Variants in SDK1 observed in about 807,000 individuals in gnomAD.
SDK1 encodes the protein sidekick cell adhesion molecule 1, also known as protein sidekick-1.
In SDK1, 157 loss-of-function variants were observed where a neutral mutation model predicts 245.5. That is an observed-to-expected ratio of 0.64 (90% CI 0.56 to 0.73). The LOEUF is 0.73. Ranked by LOEUF, SDK1 falls within the 30% of genes least tolerant of loss-of-function variation. The probability of loss-of-function intolerance (pLI) is 0.00; values close to 1 mark genes in which losing one functional copy is unlikely to be tolerated. For missense variants in SDK1, 3,583 were observed against 3,002.3 expected (o/e 1.19, Z -4.52); for synonymous variants, 1,647 against 1,278.5 (o/e 1.29, Z -6.15).
chr7:3,880,210 G>A (rs1000815591), intron 5 of SDK1, among the ~76,000 whole-genome samples: 5 of 152,170 alleles, frequency 3.3e-5, no homozygotes, highest in Admixed American at 6.5e-5. Context: ...TGGCCAGGTG[G>A]GCCTTCATTG....
intron 1 of SDK1, among the ~76,000 whole-genome samples, chr7:3,343,269 C>T (rs1029144661): frequency 4.6e-5 from 7 of 152,234 alleles, no homozygotes; most frequent in Middle Eastern, 3.4e-3. Context: ...GGAAACAGCC[C>T]AGATGTCCTT....
chr7:4,217,177 C>CCCGGAGCACCACACCA (rs1784855368), intron 38 of SDK1, among the ~76,000 whole-genome samples: 3 of 73,520 alleles, frequency 4.1e-5, no homozygotes, highest in African/African-American at 1.6e-4. Context: ...GCACCACACC[C>CCCGGAGCACCACACCA]CCCGGAGCAC....
intron 4 of SDK1, among the ~76,000 whole-genome samples, chr7:3,812,820 A>G (rs34233756): frequency 5.9e-5 from 9 of 152,144 alleles, no homozygotes; most frequent in South Asian, 2.1e-4. Context: ...CTGAGCTGCA[A>G]TCCCATTTGC....
rs556655054 is a variant in SDK1, at chr7:3,694,606, C to T, written c.713+52501C>T. On this transcript the variant is annotated intron_variant, in intron 4 of 44. Transcript: ENST00000404826. ...GGGGGAAAAGCATATGAAATTGAGA[C>T]AGTAGGTGATCCAGTGGATGTTCTA... Among the ~76,000 whole-genome samples, 20 of 151,976 alleles carry T rather than the reference C, an allele frequency of 1.3e-4. No homozygotes were observed. The East Asian group carries it at 3.9e-3, about 29-fold the overall frequency.
chr7:3,933,884 C>G (rs2128118514), intron 5 of SDK1, among the ~76,000 whole-genome samples: 1 of 152,226 alleles, frequency 6.6e-6, no homozygotes, highest in Non-Finnish European at 1.5e-5. Context: ...AAACTGAAGC[C>G]CTAAGAAACC....
chr7:4,141,253 G>C (rs1779566551), intron 28 of SDK1, among the ~76,000 whole-genome samples: 1 of 152,356 alleles, frequency 6.6e-6, no homozygotes, highest in African/African-American at 2.4e-5. Flanking sequence ...GAAGAGTCAG[G>C]TGGGGCCATT....
chr7:3,987,684 A>G (rs1165960485), intron 14 of SDK1, among the ~76,000 whole-genome samples: 2 of 152,078 alleles, frequency 1.3e-5, no homozygotes, highest in Admixed American at 6.5e-5. Flanking sequence ...GCCACTGCTC[A>G]TGTCTGTGGG....
At position 3,459,431 on chromosome 7, in the gene SDK1, G is replaced by A. The variant is rs115387242; in HGVS notation, c.298+157547G>A. On this transcript the variant is annotated intron_variant, in intron 1 of 44. Transcript: ENST00000404826. Reference sequence around the variant, plus strand: ...ACAGGCAGTCGATATAGTGCTGGATGTAGCCACTCCCCAGTGCCATGAAGA... The same window carrying A: ...ACAGGCAGTCGATATAGTGCTGGATATAGCCACTCCCCAGTGCCATGAAGA... Among the ~76,000 whole-genome samples, 827 of 152,230 alleles carry A rather than the reference G, an allele frequency of 5.4e-3. 7 individuals are homozygous for A. The highest frequency in any genetic ancestry group is 0.019 in the African/African-American group (788 of 41,554).
At chr7:3,786,087 C>T (rs978818957) in intron 4 of SDK1, among the ~76,000 whole-genome samples, 3 of 152,204 alleles carry the variant, frequency 2.0e-5, no homozygotes, top group South Asian at 4.1e-4. Context: ...ATAGAGAGAG[C>T]GAAAGTGCTC....
intron 7 of SDK1, among the ~76,000 whole-genome samples, chr7:3,952,398 G>A (rs1020993490): frequency 1.3e-5 from 2 of 152,130 alleles, no homozygotes; most frequent in African/African-American, 2.4e-5. Flanking sequence ...GGCCAACATG[G>A]TGAAATCCCG....
chr7:3,739,387 TTC>T (rs1197142397), intron 4 of SDK1, among the ~76,000 whole-genome samples: 4 of 152,184 alleles, frequency 2.6e-5, no homozygotes, highest in Admixed American at 2.6e-4. Context: ...CCAGTATTCT[TTC>T]TGTTACTTTC....
chr7:3,534,104 A>G (rs551170376), intron 1 of SDK1, among the ~76,000 whole-genome samples: 2 of 152,188 alleles, frequency 1.3e-5, no homozygotes, highest in East Asian at 1.9e-4. Context: ...CTCTGCTTCT[A>G]TGAGTTTCAC....
intron 1 of SDK1, among the ~76,000 whole-genome samples, chr7:3,487,593 A>G (rs1480139656): frequency 6.6e-6 from 1 of 151,724 alleles, no homozygotes; most frequent in Non-Finnish European, 1.5e-5. Context: ...CAAACAAACA[A>G]ACACCCAAAA....
intron 1 of SDK1, among the ~76,000 whole-genome samples, chr7:3,355,042 T>C (rs1387961875): frequency 6.6e-6 from 1 of 152,196 alleles, no homozygotes; most frequent in African/African-American, 2.4e-5. Flanking sequence ...TCTGATTAAA[T>C]TGTGGTGGGA....
rs781333259 is a variant in SDK1, at chr7:3,321,710, CCCT to C, written c.298+19829_298+19831del. Among the ~76,000 whole-genome samples, 466 of 50,648 alleles carry C rather than the reference CCCT, an allele frequency of 9.2e-3. 7 individuals are homozygous for C. Among genetic ancestry groups the C allele is most frequent in the South Asian group, 0.034 (45 of 1,314 alleles). 33.2% of individuals were successfully genotyped at this position (50,648 alleles called of 152,430 possible). A position where few individuals can be genotyped will look rare whatever the true frequency, so the allele number is the denominator to read the frequency against. ...TTCTTCCTTCTCCTCCTCCTCCTCC[CCCT>C]CCCTCTCCCCTCTCCCTCCCATCCC... On this transcript the variant is annotated intron_variant, in intron 1 of 44. Transcript: ENST00000404826.
In SDK1 at chr7:3,828,355, G is replaced by C. The variant is rs1202999666; in HGVS notation, c.847+6772G>C. On this transcript the variant is annotated intron_variant, in intron 5 of 44. Transcript: ENST00000404826. ...TAACTTAGAAGGAATTTAAAAAATT[G>C]AGAGATATTCTATAACAAAATTTCT... Among the ~76,000 whole-genome samples, 6 of 152,026 alleles carry C rather than the reference G, an allele frequency of 3.9e-5. No homozygotes were observed. The East Asian group carries it at 1.2e-3, about 29-fold the overall frequency.
At chr7:3,951,182 G>A in intron 6 of SDK1, 148 bp downstream of exon 6, 1 of 639,948 alleles carries the variant, frequency 1.6e-6, no homozygotes, top group South Asian at 1.8e-5. Flanking sequence ...ACGAGATATG[G>A]GTAGATAAGG....
rs1375705782 is a variant in SDK1 at position 4,011,013 on chromosome 7, G to A, written c.2179G>A (p.Gly727Ser). The A allele has an allele frequency of 3.1e-6, 5 of 1,614,114 alleles. No homozygotes were observed. In the African/African-American group the frequency reaches 6.7e-5, roughly 22 times the overall value. The change falls in exon 15 of 45, where the codon GGC (glycine) becomes AGC (serine). Residue 727 changes from glycine to serine, a missense_variant. By Grantham distance (56) the Gly-to-Ser change is moderately conservative. Coordinates refer to ENST00000404826, the MANE Select transcript of SDK1 (RefSeq NM_152744.4). The stretch of plus-strand genomic sequence containing the variant: ...GTCAAACGTTGGCCCTGAGATGACA[G>A]GCGTCACCGTGAGTGGCCTGACTCC... ...HLSNVGPEMT[G>S]VTVSGLTPAR... is the part of the protein sequence containing the mutation.
intron 4 of SDK1, among the ~76,000 whole-genome samples, chr7:3,691,547 T>C (rs2114996185): frequency 6.6e-6 from 1 of 152,348 alleles, no homozygotes; most frequent in Middle Eastern, 3.4e-3. Flanking sequence ...GGCAGTCATA[T>C]TCAAAATACA....
Sources: gnomAD v4.1 joint callset for allele counts (sites outside exome capture counted in the v4.1 genomes callset) on GRCh38, gnomAD v4.1.1 for gene constraint, MANE v1.5 for transcripts, NCBI Gene and HGNC (gene_info 2026-07-23, HGNC 2026-07-21) for gene names.